Variants in CORO7 observed in about 807,000 individuals in gnomAD.
The protein encoded by CORO7 is coronin-7.
In CORO7, 107 loss-of-function variants were observed where a neutral mutation model predicts 126.6. That is an observed-to-expected ratio of 0.85 (90% CI 0.72 to 0.99). The LOEUF (loss-of-function observed/expected upper bound fraction) is 0.99. Among genes scored for constraint, CORO7 ranks in the 50% least tolerant of loss-of-function variants. The pLI, the probability that CORO7 is intolerant of heterozygous loss-of-function variation, is 0.00. For synonymous variants in CORO7, 603 were observed against 536.8 expected (o/e 1.12, Z -1.70); for missense variants, 1,314 against 1,255.8 (o/e 1.05, Z -0.70).
At chr16:4,374,310 C>G (rs899957937) in intron 9 of CORO7, among the ~76,000 whole-genome samples, 2 of 152,108 alleles carry the variant, frequency 1.3e-5, no homozygotes, top group Non-Finnish European at 2.9e-5. Flanking sequence ...CGCGCTGGGC[C>G]GCCGGCCTCC....
chr16:4,361,316 G>A lies in CORO7; in HGVS notation c.1687+45C>T, dbSNP rs747549066. 5.9e-5 allele frequency: 95 copies of A among 1,610,102 alleles called. No individual in the cohort carries two copies. The East Asian group carries it at 1.8e-3, about 30-fold the overall frequency. On this transcript the variant is annotated intron_variant, in intron 17 of 27. Transcript: ENST00000251166. ...CCTCTGGGCTCCCCAGCCCCTATCCGGGACCCAGGACCCTCCCTCAAGCCC... is the reference window on the plus strand; with the variant it reads ...CCTCTGGGCTCCCCAGCCCCTATCCAGGACCCAGGACCCTCCCTCAAGCCC...
chr16:4,388,482 G>A lies in CORO7; in HGVS notation c.702+63C>T, dbSNP rs1185388308. 22 of 1,559,428 alleles carry A rather than the reference G, an allele frequency of 1.4e-5. No homozygotes were observed. The East Asian group carries it at 2.8e-4, about 20-fold the overall frequency. ...CCCGCCTCCCATTGGTTTCGTCCCC[G>A]CCCAAAGGGCTGGACATGTCCCCAC... On this transcript the variant is annotated intron_variant, in intron 8 of 27. Transcript: ENST00000251166.
At chr16:4,397,074 A>T (rs1315735222) in intron 6 of CORO7, among the ~76,000 whole-genome samples, 7 of 151,950 alleles carry the variant, frequency 4.6e-5, no homozygotes, top group Admixed American at 6.5e-5. Flanking sequence ...CAGTACAGAT[A>T]AAAAAAACTT....
At position 4,401,228 on chromosome 16, in the gene CORO7, G is replaced by A. The variant is rs578154661; in HGVS notation, c.564+4263C>T. On this transcript the variant is annotated intron_variant, in intron 6 of 27. Transcript: ENST00000251166. The stretch of plus-strand genomic sequence containing the variant: ...GCATTCGAGGAAGGTAAAATAGCAT[G>A]AGCAAAGAGGTGGAGAAAGGAACTT... Among the ~76,000 whole-genome samples the A allele has an allele frequency of 1.1e-4, 16 of 152,342 alleles. No individual in the cohort carries two copies. The South Asian group carries it at 3.1e-3, about 30-fold the overall frequency.
chr16:4,369,240 C>T (rs1375467216), intron 9 of CORO7, among the ~76,000 whole-genome samples: 14 of 152,264 alleles, frequency 9.2e-5, no homozygotes, highest in Non-Finnish European at 5.9e-5. Context: ...TGCCGTGGCA[C>T]GGGCCAAGAA....
intron 9 of CORO7, among the ~76,000 whole-genome samples, chr16:4,385,486 C>T (rs747053389): frequency 9.8e-5 from 15 of 152,310 alleles, no homozygotes; most frequent in African/African-American, 3.6e-4. Flanking sequence ...CACCCAGAAG[C>T]GTGGCACCCA....
At chr16:4,400,670 A>G (rs903839988) in intron 6 of CORO7, among the ~76,000 whole-genome samples, 19 of 151,640 alleles carry the variant, frequency 1.3e-4, no homozygotes, top group Non-Finnish European at 2.9e-5. Context: ...AAAAACAAAA[A>G]GTAGCCGGGT....
rs2054053426 is a variant in CORO7 at position 4,358,469 on chromosome 16, C to G, written c.2355G>C (p.Leu785=). ...SPDPHKGLVL[L]PKTECDVREV... ...CCCGCACGTCGCACTCCGTCTTAGGCAGGAGGACGAGGCCCTGGGGGAGCA... is the reference window on the plus strand; with the variant it reads ...CCCGCACGTCGCACTCCGTCTTAGGGAGGAGGACGAGGCCCTGGGGGAGCA... Residue 785 remains leucine (L), a synonymous_variant, in exon 24 of 28, where the codon CTG becomes CTC. Coordinates refer to ENST00000251166, the MANE Select transcript of CORO7 (RefSeq NM_024535.5). 1 of 1,601,476 alleles carries G rather than the reference C, an allele frequency of 6.2e-7. No homozygotes were observed. Among genetic ancestry groups the G allele is most frequent in the East Asian group, 2.2e-5 (1 of 44,646 alleles).
At chr16:4,363,570 G>A (rs1342600564) in intron 14 of CORO7, among the ~76,000 whole-genome samples, 5 of 152,120 alleles carry the variant, frequency 3.3e-5, no homozygotes, top group Admixed American at 2.0e-4. Flanking sequence ...AAATTAGCCA[G>A]GCGTGGTGGC....
chr16:4,365,986 G>C (rs562013555), intron 9 of CORO7, among the ~76,000 whole-genome samples: 1 of 152,310 alleles, frequency 6.6e-6, no homozygotes, highest in South Asian at 2.1e-4. Context: ...GGCAGCATCC[G>C]GGAGCAGTGC....
chr16:4,407,318 C>T (rs942788096), intron 5 of CORO7, among the ~76,000 whole-genome samples, 183 bp downstream of exon 5: 1 of 151,614 alleles, frequency 6.6e-6, no homozygotes, highest in Non-Finnish European at 1.5e-5. Flanking sequence ...CTGATGGCTA[C>T]GGAGAGCAAA....
chr16:4,410,088 C>T (rs1004540432), intron 3 of CORO7, among the ~76,000 whole-genome samples: 1 of 152,182 alleles, frequency 6.6e-6, no homozygotes, highest in Admixed American at 6.5e-5. Flanking sequence ...TTGCAAGCAT[C>T]ACCAACTTGG....
intron 9 of CORO7, among the ~76,000 whole-genome samples, chr16:4,384,149 A>G (rs2055107844): frequency 6.6e-6 from 1 of 152,206 alleles, no homozygotes; most frequent in African/African-American, 2.4e-5. Flanking sequence ...AAAGGGGCCG[A>G]GCCCCAGTGA....
chr16:4,408,148 C>T (rs769078652), intron 4 of CORO7, 33 bp downstream of exon 4: 1 of 1,613,934 alleles, frequency 6.2e-7, no homozygotes, highest in Non-Finnish European at 8.5e-7. Flanking sequence ...CGGGCTGGGA[C>T]ATAGAGCAGC....
At chr16:4,402,814 G>A (rs748247647) in intron 6 of CORO7, among the ~76,000 whole-genome samples, 2 of 152,360 alleles carry the variant, frequency 1.3e-5, no homozygotes, top group Admixed American at 6.5e-5. Context: ...GCAGCAGGCC[G>A]GAATGGGCCA....
At chr16:4,383,115 C>T (rs1177551392) in intron 9 of CORO7, 11 of 560,756 alleles carry the variant, frequency 2.0e-5, no homozygotes, top group African/African-American at 5.9e-5. Flanking sequence ...TCCCCAGAAC[C>T]GAGTGCCTAT....
At chr16:4,405,422 C>A in intron 6 of CORO7, 69 bp downstream of exon 6, 1 of 1,526,850 alleles carries the variant, frequency 6.5e-7, no homozygotes, top group East Asian at 2.3e-5. Context: ...CTGGAAGGCC[C>A]AGCCCAGGGG....
chr16:4,402,452 G>T (rs916724099), intron 6 of CORO7, among the ~76,000 whole-genome samples: 1 of 151,512 alleles, frequency 6.6e-6, no homozygotes, highest in South Asian at 2.1e-4. Flanking sequence ...TCACCATGTT[G>T]CCCGGGCTGA....
At position 4,362,583 on chromosome 16, in the gene CORO7, G is replaced by C; in HGVS notation, c.1402+29C>G. Reference sequence around the variant, plus strand: ...TGGGGCAGACAGGGCTCCTGCGGTAGGGGTGAGCTCCCCGTCCTGCCTCCT... The same window carrying C: ...TGGGGCAGACAGGGCTCCTGCGGTACGGGTGAGCTCCCCGTCCTGCCTCCT... On this transcript the variant is annotated intron_variant, in intron 15 of 27. Transcript: ENST00000251166. This position sits in a 1 kb window ranked among gnomAD's most constrained non-coding sequence, Gnocchi z 5.3. 6.5e-7 allele frequency: 1 copy of C among 1,529,630 alleles called. No homozygotes were observed. Among genetic ancestry groups the C allele is most frequent in the Non-Finnish European group, 8.8e-7 (1 of 1,142,272 alleles). The allele number at this position is 1,529,630 out of a possible 1,614,324, so 94.8% of individuals were successfully genotyped here. A position where few individuals can be genotyped will look rare whatever the true frequency, so the allele number is the denominator to read the frequency against.
Sources: gnomAD v4.1 joint callset for allele counts (sites outside exome capture counted in the v4.1 genomes callset) on GRCh38, gnomAD v4.1.1 for gene constraint, Gnocchi (gnomAD v3.1) non-coding constraint, MANE v1.5 for transcripts, NCBI Gene and HGNC (gene_info 2026-07-23, HGNC 2026-07-21) for gene names.